Variants in DCT observed in about 807,000 individuals in gnomAD.
The protein encoded by DCT is dopachrome tautomerase.
In DCT, 47 loss-of-function variants were observed where a neutral mutation model predicts 53.0. That is an observed-to-expected ratio of 0.89 (90% confidence interval 0.70 to 1.13). The LOEUF is 1.13. Among genes scored for constraint, DCT ranks in the 50% most tolerant of loss-of-function variants. DCT has a pLI of 0.00. For synonymous variants in DCT, 244 were observed against 237.0 expected, an observed-to-expected ratio of 1.03 and a Z score of -0.27; for missense variants, 669 against 637.4, an observed-to-expected ratio of 1.05 and a Z score of -0.53.
chr13:94,450,636 G>C (rs1009645223), intron 6 of DCT, among the ~76,000 whole-genome samples: 2 of 152,102 alleles, frequency 1.3e-5, no homozygotes, highest in Non-Finnish European at 2.9e-5. Flanking sequence ...AGGAAAAAAA[G>C]CTTCTTCTTC....
the DCT span, among the ~76,000 whole-genome samples, chr13:94,507,183 A>G: frequency 6.6e-6 from 1 of 152,224 alleles, no homozygotes; most frequent in Non-Finnish European, 1.5e-5. Flanking sequence ...TCTCCGAATG[A>G]GTAAATATCA....
At chr13:94,546,416 G>A in the DCT span, among the ~76,000 whole-genome samples, 1 of 152,086 alleles carries the variant, frequency 6.6e-6, no homozygotes, top group East Asian at 1.9e-4. The surrounding 1 kb of genome is among the most constrained non-coding windows in gnomAD (Gnocchi z 4.2). Flanking sequence ...TTCAGTTCAC[G>A]CTGGACCCTC....
intron 4 of DCT, among the ~76,000 whole-genome samples, chr13:94,465,293 T>C (rs1379052212): frequency 6.6e-6 from 1 of 152,206 alleles, no homozygotes; most frequent in Non-Finnish European, 1.5e-5. Flanking sequence ...CAAGAACTAC[T>C]CTTAATTTGA....
At chr13:94,487,857 C>T in the DCT span, among the ~76,000 whole-genome samples, 4 of 151,728 alleles carry the variant, frequency 2.6e-5, no homozygotes, top group Non-Finnish European at 5.9e-5. Flanking sequence ...AAGAGTTTTG[C>T]TTTCTACATC....
At chr13:94,512,773 G>A in the DCT span, among the ~76,000 whole-genome samples, 2 of 152,086 alleles carry the variant, frequency 1.3e-5, no homozygotes, top group Non-Finnish European at 2.9e-5. Flanking sequence ...GTGTATTTAT[G>A]TGAAAATACA....
At chr13:94,453,758 T>C (rs1178812627) in intron 6 of DCT, among the ~76,000 whole-genome samples, 3 of 152,178 alleles carry the variant, frequency 2.0e-5, no homozygotes, top group African/African-American at 4.8e-5. Context: ...GCACAAGTTC[T>C]CTCTTGGCTG....
chr13:94,516,424 T>A, the DCT span, among the ~76,000 whole-genome samples: 1 of 152,150 alleles, frequency 6.6e-6, no homozygotes, highest in Admixed American at 6.5e-5. Context: ...ACAATTTTTC[T>A]TTGTGCTAAA....
the DCT span, among the ~76,000 whole-genome samples, chr13:94,497,647 G>T: frequency 1.3e-5 from 2 of 152,068 alleles, no homozygotes; most frequent in Admixed American, 6.5e-5. Flanking sequence ...AGTGTAAGTG[G>T]GTCATCATAA....
At chr13:94,539,267 G>C in the DCT span, among the ~76,000 whole-genome samples, 1 of 152,204 alleles carries the variant, frequency 6.6e-6, no homozygotes, top group African/African-American at 2.4e-5. Flanking sequence ...AGGATGGTCA[G>C]AGTGGGAAGA....
chr13:94,454,132 G>A (rs1486312589), intron 6 of DCT, among the ~76,000 whole-genome samples: 2 of 152,102 alleles, frequency 1.3e-5, no homozygotes, highest in African/African-American at 2.4e-5. Flanking sequence ...CTAAATTAAT[G>A]AACTTATTTT....
intron 3 of DCT, 36 bp from the exon 4 acceptor site, chr13:94,465,835 T>C (rs773584614): frequency 6.3e-7 from 1 of 1,578,540 alleles, no homozygotes; most frequent in South Asian, 1.1e-5. Context: ...ATTTAATCCA[T>C]GCCATCAGAT....
At chr13:94,468,651 C>G (rs1046313510) in intron 2 of DCT, 95 bp downstream of exon 2, 36 of 1,124,878 alleles carry the variant, frequency 3.2e-5, no homozygotes, top group Non-Finnish European at 5.1e-6. Context: ...TGGTTGCTCT[C>G]TTAATTAACT....
the DCT span, among the ~76,000 whole-genome samples, chr13:94,489,659 A>G: frequency 2.0e-5 from 3 of 152,094 alleles, no homozygotes; most frequent in East Asian, 1.9e-4. Context: ...AGTAGCCCAT[A>G]TGACCTCTAT....
the DCT span, among the ~76,000 whole-genome samples, chr13:94,515,142 T>A: frequency 6.6e-6 from 1 of 152,158 alleles, no homozygotes; most frequent in Non-Finnish European, 1.5e-5. Context: ...AACCCAACGA[T>A]GTTGGTGTCT....
intron 7 of DCT, among the ~76,000 whole-genome samples, chr13:94,440,962 T>C (rs894855703): frequency 2.6e-5 from 4 of 152,192 alleles, no homozygotes; most frequent in Non-Finnish European, 5.9e-5. Context: ...ATTACAGGTG[T>C]GAGCTACTGC....
intron 6 of DCT, among the ~76,000 whole-genome samples, chr13:94,450,025 T>C (rs1235092557): frequency 1.3e-5 from 2 of 152,138 alleles, no homozygotes; most frequent in African/African-American, 2.4e-5. Context: ...TAATAGGAAA[T>C]GGGGCCTTTG....
intron 1 of DCT, among the ~76,000 whole-genome samples, chr13:94,470,843 ACT>A (rs1417445842): frequency 2.6e-5 from 4 of 152,104 alleles, no homozygotes; most frequent in Non-Finnish European, 5.9e-5. Flanking sequence ...ATTTATTTAC[ACT>A]GATTGTAAAC....
In DCT at chr13:94,466,597, C is replaced by T. The variant is rs1566841993; in HGVS notation, c.657G>A (p.Trp219Ter). Reference sequence around the variant, plus strand: ...CCAGACACAACAAATGGTACCGGTGCCAGGTAACAAATGCAGGTCCTTGAT... The same window carrying T: ...CCAGACACAACAAATGGTACCGGTGTCAGGTAACAAATGCAGGTCCTTGAT... ...FSHQGPAFVT[W>*]HRYHLLCLER... Residue 219 changes from tryptophan to a stop codon, truncating the protein, a stop_gained, in exon 3 of 8, where the codon TGG becomes TGA. Transcript: ENST00000377028. LOFTEE classifies it high-confidence loss of function. The T allele has an allele frequency of 1.2e-6, 2 of 1,611,910 alleles. No individual in the cohort carries two copies. Among genetic ancestry groups the T allele is most frequent in the Admixed American group, 1.7e-5 (1 of 59,818 alleles).
At chr13:94,522,498 C>T in the DCT span, among the ~76,000 whole-genome samples, 1 of 151,998 alleles carries the variant, frequency 6.6e-6, no homozygotes, top group Non-Finnish European at 1.5e-5. Flanking sequence ...ATAAATTCCC[C>T]TTTATATATA....
Sources: allele counts gnomAD v4.1 joint callset (sites outside exome capture counted in the v4.1 genomes callset), GRCh38; gene constraint gnomAD v4.1.1; non-coding constraint Gnocchi (gnomAD v3.1); transcripts MANE v1.5; gene names NCBI Gene and HGNC (gene_info 2026-07-23, HGNC 2026-07-21).